DDA1: variants seen among roughly 807,000 people sequenced by gnomAD.
DDA1 encodes the protein DET1 and DDB1 associated 1.
DDA1 carries 3 observed loss-of-function variants against 18.6 expected under a neutral mutation model. The observed-to-expected ratio is 0.16, with a 90% CI of 0.07 to 0.42. The LOEUF (loss-of-function observed/expected upper bound fraction) is 0.42. Ranked by LOEUF, DDA1 falls within the 10% of genes least tolerant of loss-of-function variation. DDA1 has a pLI of 0.99. For synonymous variants in DDA1, 52 were observed against 54.0 expected (o/e 0.96, Z 0.17); for missense variants, 105 against 138.2 (o/e 0.76, Z 1.20).
chr19:17,311,475 T>C (rs1226584877), intron 1 of DDA1, among the ~76,000 whole-genome samples: 1 of 152,130 alleles, frequency 6.6e-6, no homozygotes, highest in Non-Finnish European at 1.5e-5. Context: ...TTTAAAGATG[T>C]GCATCAAATG....
At chr19:17,310,908 C>T (rs569807374) in intron 1 of DDA1, among the ~76,000 whole-genome samples, 1 of 152,202 alleles carries the variant, frequency 6.6e-6, no homozygotes, top group South Asian at 2.1e-4. Context: ...TAGCCTTGCT[C>T]TCACCCCTTT....
At chr19:17,315,334 CGT>C (rs1491514393) in intron 3 of DDA1, among the ~76,000 whole-genome samples, 27 of 47,550 alleles carry the variant, frequency 5.7e-4, no homozygotes, top group Non-Finnish European at 1.2e-3. Flanking sequence ...TATATACACA[CGT>C]ATATATATAC....
intron 3 of DDA1, chr19:17,315,670 A>C (rs550013270): frequency 2.8e-5 from 15 of 541,020 alleles, no homozygotes; most frequent in African/African-American, 2.7e-4. Flanking sequence ...CCTGGGAGAA[A>C]CATAGGCATG....
rs957934315 is a variant in DDA1 at position 17,320,080 on chromosome 19, G to A, written c.*424G>A. On this transcript the variant is annotated 3_prime_UTR_variant, in exon 5 of 5. Coordinates refer to ENST00000359866, the MANE Select transcript of DDA1 (RefSeq NM_024050.6). ...GGTGGCCTGACCTACCAGGACAGCCGAGTGGCCTTCTCCCCCCCAACACCG... is the reference window on the plus strand; with the variant it reads ...GGTGGCCTGACCTACCAGGACAGCCAAGTGGCCTTCTCCCCCCCAACACCG... The A allele has an allele frequency of 1.3e-4, 21 of 164,304 alleles. No homozygotes were observed. Among genetic ancestry groups the A allele is most frequent in the Admixed American group, 3.1e-4 (5 of 16,176 alleles). The allele number at this position is 164,304 out of a possible 1,614,324, so 10.2% of individuals were successfully genotyped here.
At chr19:17,315,428 G>GTGTGTGTGTGTATATATATATATA (rs1568354197) in intron 3 of DDA1, among the ~76,000 whole-genome samples, 3 of 71,380 alleles carry the variant, frequency 4.2e-5, no homozygotes, top group African/African-American at 2.9e-4. Context: ...GTGTGTGTGT[G>GTGTGTGTGTGTATATATATATATA]CATATATATA....
At chr19:17,317,509 T>A (rs1187447234) in intron 4 of DDA1, among the ~76,000 whole-genome samples, 5 of 151,190 alleles carry the variant, frequency 3.3e-5, no homozygotes, top group Non-Finnish European at 5.9e-5. Context: ...AGAGCTAGAC[T>A]CCATCTCAAA....
chr19:17,309,585 A>C lies in DDA1; in HGVS notation c.-70A>C, dbSNP rs556175800. On this transcript the variant is annotated 5_prime_UTR_variant, in exon 1 of 5. Transcript: ENST00000359866. ...TGGAAGTTACTGTGAGGCGGCGGCT[A>C]AGAAGGCGGCTCTGGTGGCGGCGGT... 2.7e-5 allele frequency: 41 copies of C among 1,538,082 alleles called. No individual in the cohort carries two copies. The African/African-American group carries it at 5.3e-4, about 20-fold the overall frequency.
intron 1 of DDA1, chr19:17,310,081 G>T (rs778615701): frequency 1.0e-4 from 20 of 193,396 alleles, no homozygotes; most frequent in Non-Finnish European, 1.7e-4. Context: ...CGATATGCAG[G>T]GCTTTGTCGC....
chr19:17,319,963 T>G lies in DDA1; in HGVS notation c.*307T>G. The G allele has an allele frequency of 1.7e-5, 5 of 286,392 alleles. No homozygotes were observed. The highest frequency in any genetic ancestry group is 9.1e-5 in the East Asian group (1 of 10,964). The allele number at this position is 286,392 out of a possible 1,614,324, so 17.7% of individuals were successfully genotyped here. A position where few individuals can be genotyped will look rare whatever the true frequency, so the allele number is the denominator to read the frequency against. ...GCCTTCCATCGGGCCAGTTCCCCGA[T>G]TCCTGCCCCCAGTTCTCCAGAGAAC... On this transcript the variant is annotated 3_prime_UTR_variant, in exon 5 of 5. Transcript: ENST00000359866.
chr19:17,316,584 A>G (rs947257206), intron 4 of DDA1, among the ~76,000 whole-genome samples: 4 of 151,412 alleles, frequency 2.6e-5, no homozygotes, highest in Admixed American at 6.6e-5. Flanking sequence ...TCTCAAGAAA[A>G]TAAAAAAAGG....
intron 3 of DDA1, among the ~76,000 whole-genome samples, chr19:17,315,410 G>A (rs1265783551): frequency 1.5e-4 from 7 of 45,894 alleles, no homozygotes; most frequent in East Asian, 3.0e-4. Context: ...ATATACATAC[G>A]TGTGTGTGTG....
In DDA1 at chr19:17,314,075, T is replaced by C; in HGVS notation, c.56T>C (p.Phe19Ser). ...TACAACAAAAGCAATTTTAGTCGAT[T>C]TCACGCGGACTCCGTGTGCAAAGCC... ...PVYNKSNFSR[F>S]HADSVCKASN... The change falls in exon 2 of 5, where the codon TTT (phenylalanine) becomes TCT (serine). Residue 19 changes from phenylalanine (F) to serine (S), a missense_variant. Phe to Ser is a radical substitution (Grantham distance 155). This residue lies in a region of DDA1 where 43 missense variants were observed against 82.3 expected (regional missense o/e 0.52). Coordinates refer to ENST00000359866, the MANE Select transcript of DDA1 (RefSeq NM_024050.6). The surrounding 1 kb of genome is among the most constrained non-coding windows in gnomAD (Gnocchi z 4.6). 1 of 1,614,152 alleles carries C rather than the reference T, an allele frequency of 6.2e-7. No individual in the cohort carries two copies. Among genetic ancestry groups the C allele is most frequent in the Non-Finnish European group, 8.5e-7 (1 of 1,180,018 alleles).
intron 1 of DDA1, among the ~76,000 whole-genome samples, chr19:17,312,513 A>G (rs2074183915): frequency 6.6e-6 from 1 of 152,044 alleles, no homozygotes. Context: ...CAGCAGGGGC[A>G]AGCTGGGCCA....
rs112623005 is a variant in DDA1 at position 17,315,362 on chromosome 19, G to A, written c.137-572G>A. ...ATATATATACACGCTATATATATAC[G>A]CTATATATATACACACGTATATATA... is the stretch of plus-strand genomic sequence containing the variant. On this transcript the variant is annotated intron_variant, in intron 3 of 4. Transcript: ENST00000359866. 8.9e-3 allele frequency among the ~76,000 whole-genome samples: 432 copies of A among 48,516 alleles called. 70 individuals carry two copies. The highest frequency in any genetic ancestry group is 0.027 in the African/African-American group (383 of 14,000). 31.8% of individuals were successfully genotyped at this position (48,516 alleles called of 152,430 possible).
chr19:17,310,147 C>T (rs547274196), intron 1 of DDA1: 58 of 162,558 alleles, frequency 3.6e-4, no homozygotes, highest in African/African-American at 1.4e-3. Flanking sequence ...GACCCCACCT[C>T]CACCATTCTG....
chr19:17,315,232 C>CACACACGTGTATAT (rs2074202103), intron 3 of DDA1, among the ~76,000 whole-genome samples: 1 of 47,214 alleles, frequency 2.1e-5, no homozygotes, highest in Non-Finnish European at 4.6e-5. Flanking sequence ...CGTGTATACA[C>CACACACGTGTATAT]ACACACGTGT....
At chr19:17,319,348 C>T (rs1276528517) in intron 4 of DDA1, among the ~76,000 whole-genome samples, 198 bp from the exon 5 acceptor site, 1 of 152,188 alleles carries the variant, frequency 6.6e-6, no homozygotes, top group Non-Finnish European at 1.5e-5. Flanking sequence ...GCTTCACCCA[C>T]GTGAAGACTC....
chr19:17,314,464 G>A lies in DDA1; in HGVS notation c.136+75G>A. 13 of 1,590,120 alleles carry A rather than the reference G, an allele frequency of 8.2e-6. No individual in the cohort carries two copies. Among genetic ancestry groups the A allele is most frequent in the Non-Finnish European group, 1.0e-5 (12 of 1,158,916 alleles). On this transcript the variant is annotated intron_variant, in intron 3 of 4. Transcript: ENST00000359866. The surrounding 1 kb of genome is among the most constrained non-coding windows in gnomAD (Gnocchi z 4.6). ...TTTGGTGACTGCAGCGTGGCACGCG[G>A]AGGTTATCTTCAACCCCGGCCCAGG... is the stretch of plus-strand genomic sequence containing the variant.
In DDA1 at chr19:17,314,280, TGAG is replaced by T. The variant is rs1300507526; in HGVS notation, c.85-54_85-52del. 6.2e-7 allele frequency: 1 copy of T among 1,607,560 alleles called. No homozygotes were observed. Among genetic ancestry groups the T allele is most frequent in the Non-Finnish European group, 8.5e-7 (1 of 1,174,334 alleles). On this transcript the variant is annotated intron_variant, in intron 2 of 4. Transcript: ENST00000359866. The surrounding 1 kb of genome is among the most constrained non-coding windows in gnomAD (Gnocchi z 4.6). ...GAAGGGTGGGTGCTGAGTGGAGGGA[TGAG>T]GAGACCCCAGGCCCATGCACTCTCC...
Sources: allele counts gnomAD v4.1 joint callset (sites outside exome capture counted in the v4.1 genomes callset), GRCh38; gene constraint gnomAD v4.1.1; regional missense constraint gnomAD v4.1.1; non-coding constraint Gnocchi (gnomAD v3.1); transcripts MANE v1.5; gene names NCBI Gene and HGNC (gene_info 2026-07-23, HGNC 2026-07-21).